The following ELAVL4 variants were observed in gnomAD, a reference collection of about 807,000 sequenced individuals.
ELAVL4 encodes ELAV like RNA binding protein 4.
Under a neutral mutation model 35.6 loss-of-function variants are expected in ELAVL4, and 1 was observed. That is an observed-to-expected ratio of 0.03 (90% CI 0.01 to 0.13). The LOEUF is 0.13. ELAVL4 is among the 10% of genes least tolerant of loss of function. ELAVL4 has a pLI of 1.00. For synonymous variants in ELAVL4, 156 were observed against 171.0 expected, an observed-to-expected ratio of 0.91 and a Z score of 0.69; for missense variants, 267 against 464.9, an observed-to-expected ratio of 0.57 and a Z score of 3.91.
intron 3 of ELAVL4, among the ~76,000 whole-genome samples, chr1:50,183,682 C>T (rs1402878711): frequency 3.3e-5 from 5 of 152,152 alleles, no homozygotes; most frequent in African/African-American, 7.2e-5. Flanking sequence ...TTTCTCTTGC[C>T]AGGGGTCGTC....
chr1:50,078,569 G>A (rs1308528642), intron 1 of ELAVL4, among the ~76,000 whole-genome samples: 1 of 152,134 alleles, frequency 6.6e-6, no homozygotes, highest in Non-Finnish European at 1.5e-5. Context: ...GGGAACAGAG[G>A]TCTGACTCCA....
At chr1:50,140,772 T>G (rs1035898850) in intron 1 of ELAVL4, among the ~76,000 whole-genome samples, 2 of 152,212 alleles carry the variant, frequency 1.3e-5, no homozygotes, top group African/African-American at 4.8e-5. Context: ...ATCAGTTCCT[T>G]CTGGATACAC....
At chr1:50,084,369 G>A (rs191581469) in intron 1 of ELAVL4, among the ~76,000 whole-genome samples, 147 of 152,222 alleles carry the variant, frequency 9.7e-4, no homozygotes, top group Non-Finnish European at 1.7e-3. Context: ...ACAACATTCT[G>A]TTTTCCCCTA....
At position 50,084,982 on chromosome 1, in the gene ELAVL4, A is replaced by G. The variant is rs79724486; in HGVS notation, c.18+36800A>G. 1.5e-3 allele frequency among the ~76,000 whole-genome samples: 221 copies of G among 152,254 alleles called. 1 individual carries two copies. The highest frequency in any genetic ancestry group is 5.0e-3 in the African/African-American group (208 of 41,546). On this transcript the variant is annotated intron_variant, in intron 1 of 6. Coordinates refer to the ELAVL4 transcript ENST00000448907. ...CTGCATTGAACATTTTTCTATATAA[A>G]ACACTTTCTCTATCATTATGATAGT...
chr1:50,158,102 A>C (rs548115200), intron 2 of ELAVL4, among the ~76,000 whole-genome samples: 2 of 152,228 alleles, frequency 1.3e-5, no homozygotes, highest in Non-Finnish European at 2.9e-5. Context: ...TATCATTTAT[A>C]AAATAGTGAT....
chr1:50,102,433 C>T (rs1188050803), upstream of ELAVL4, among the ~76,000 whole-genome samples: 1 of 151,900 alleles, frequency 6.6e-6, no homozygotes, highest in Admixed American at 6.6e-5. Context: ...CCCTCCCCTC[C>T]TCTCCCTTTG....
At chr1:50,197,677 T>C (rs1438784291) in intron 6 of ELAVL4, 8 of 459,124 alleles carry the variant, frequency 1.7e-5, no homozygotes, top group South Asian at 1.5e-4. Flanking sequence ...TTTCACTTTT[T>C]CTTTTATTTG....
chr1:50,078,277 G>T (rs1303422590), intron 1 of ELAVL4, among the ~76,000 whole-genome samples: 2 of 152,024 alleles, frequency 1.3e-5, no homozygotes, highest in African/African-American at 4.8e-5. Context: ...TGTGTGAAGC[G>T]ATAAATAATA....
intron 2 of ELAVL4, chr1:50,175,387 TAC>T (rs68082703): frequency 0.27 from 37,902 of 142,746 alleles, 5,387 homozygotes; most frequent in Middle Eastern, 0.34. Context: ...CCACCACACG[TAC>T]ACACACACAC....
rs1666639006 is a variant in ELAVL4, at chr1:50,109,118, T to C, written c.-72T>C. The C allele has an allele frequency of 1.3e-6, 2 of 1,517,040 alleles. No homozygotes were observed. The highest frequency in any genetic ancestry group is 1.2e-5 in the South Asian group (1 of 83,496). The allele number at this position is 1,517,040 out of a possible 1,614,324, so 94.0% of individuals were successfully genotyped here. ...ATAACAATAGTAGTCATTTTAAATA[T>C]ATATTCTGAAATCTTTGCAAATTTT... On this transcript the variant is annotated 5_prime_UTR_variant, in exon 1 of 7. Transcript: ENST00000371824.
At chr1:50,067,730 C>A (rs150630862) in intron 1 of ELAVL4, among the ~76,000 whole-genome samples, 42 of 152,226 alleles carry the variant, frequency 2.8e-4, no homozygotes, top group African/African-American at 9.9e-4. Flanking sequence ...TAAAGGAGTG[C>A]CTGAGACTGG....
chr1:50,109,532 A>G (rs1666701396), intron 1 of ELAVL4: 1 of 341,352 alleles, frequency 2.9e-6, no homozygotes, highest in South Asian at 5.5e-5. Context: ...TCTTTTTTGT[A>G]AGGGAGAGGG....
At chr1:50,088,134 C>T (rs185671080) in intron 1 of ELAVL4, among the ~76,000 whole-genome samples, 12 of 152,226 alleles carry the variant, frequency 7.9e-5, no homozygotes, top group Non-Finnish European at 8.8e-5. Context: ...TAAGGAATAG[C>T]TTATTGTTGA....
chr1:50,122,448 A>T (rs1669190009), intron 1 of ELAVL4, among the ~76,000 whole-genome samples: 1 of 152,116 alleles, frequency 6.6e-6, no homozygotes, highest in African/African-American at 2.4e-5. Flanking sequence ...TTGAAGTTGG[A>T]TTAATTCTCC....
upstream of ELAVL4, among the ~76,000 whole-genome samples, chr1:50,108,571 G>A (rs2148525737): frequency 6.6e-6 from 1 of 152,234 alleles, no homozygotes; most frequent in South Asian, 2.1e-4. Flanking sequence ...GCACGGTTCG[G>A]CCCTCAGGAT....
At chr1:50,101,579 A>G (rs1665981232), upstream of ELAVL4, among the ~76,000 whole-genome samples, 1 of 132,400 alleles carries the variant, frequency 7.6e-6, no homozygotes, top group Non-Finnish European at 1.6e-5. Context: ...TTTCTCTTCT[A>G]GTCTGTGCCC....
At chr1:50,138,278 C>T (rs1233344819) in intron 1 of ELAVL4, among the ~76,000 whole-genome samples, 1 of 152,066 alleles carries the variant, frequency 6.6e-6, no homozygotes, top group African/African-American at 2.4e-5. Context: ...TGGGAAGGAA[C>T]AATTTGGGAA....
At chr1:50,081,758 T>A (rs1343266008) in intron 1 of ELAVL4, among the ~76,000 whole-genome samples, 1 of 152,184 alleles carries the variant, frequency 6.6e-6, no homozygotes, top group African/African-American at 2.4e-5. Flanking sequence ...ATACACGTGC[T>A]ATGGTGGTTT....
At chr1:50,156,019 G>A (rs144602678) in intron 2 of ELAVL4, among the ~76,000 whole-genome samples, 162 of 148,940 alleles carry the variant, frequency 1.1e-3, no homozygotes, top group African/African-American at 3.6e-3. Flanking sequence ...ATGCATGTGC[G>A]TGCACAGGCA....
Sources: allele counts gnomAD v4.1 joint callset (sites outside exome capture counted in the v4.1 genomes callset), GRCh38; gene constraint gnomAD v4.1.1; transcripts MANE v1.5; gene names NCBI Gene and HGNC (gene_info 2026-07-23, HGNC 2026-07-21).